The following XKR9 variants were observed in gnomAD, a reference collection of about 807,000 sequenced individuals.
The protein encoded by XKR9 is XK related 9.
XKR9 carries 32 observed loss-of-function variants against 32.0 expected under a neutral mutation model. The observed-to-expected ratio is 1.00, with a 90% CI of 0.76 to 1.34. The LOEUF is 1.34. Among genes scored for constraint, XKR9 ranks in the 40% most tolerant of loss-of-function variants. The pLI is 0.00. For missense variants in XKR9, 546 were observed against 429.7 expected, an observed-to-expected ratio of 1.27 and a Z score of -2.39; for synonymous variants, 168 against 143.4, an observed-to-expected ratio of 1.17 and a Z score of -1.22.
chr8:71,056,190 C>T, the XKR9 span, among the ~76,000 whole-genome samples: 4 of 151,396 alleles, frequency 2.6e-5, no homozygotes, highest in African/African-American at 9.7e-5. Context: ...TTTCTAAACT[C>T]TTTCACCACA....
At chr8:70,700,676 T>C (rs1805491076) in intron 3 of XKR9, among the ~76,000 whole-genome samples, 1 of 152,194 alleles carries the variant, frequency 6.6e-6, no homozygotes, top group African/African-American at 2.4e-5. Context: ...TTCTGAGATC[T>C]CCAGCTGCGT....
chr8:71,022,954 A>G, the XKR9 span, among the ~76,000 whole-genome samples: 3 of 151,430 alleles, frequency 2.0e-5, no homozygotes, highest in Non-Finnish European at 2.9e-5. Context: ...TTTTTTTTTA[A>G]TGATATCTAT....
chr8:70,833,900 T>C, the XKR9 span, among the ~76,000 whole-genome samples: 2 of 152,194 alleles, frequency 1.3e-5, no homozygotes, highest in Admixed American at 1.3e-4. Context: ...TTGAACACTT[T>C]CCTTTATTGT....
the XKR9 span, among the ~76,000 whole-genome samples, chr8:70,852,662 T>A: frequency 3.9e-5 from 6 of 152,162 alleles, no homozygotes; most frequent in Non-Finnish European, 7.3e-5. Flanking sequence ...TGGAATACTA[T>A]GCAGCCATAA....
intron 2 of XKR9, among the ~76,000 whole-genome samples, chr8:70,772,241 C>T (rs942855676): frequency 2.0e-5 from 3 of 152,164 alleles, no homozygotes; most frequent in Non-Finnish European, 4.4e-5. Context: ...AACTGGAATG[C>T]TGTAAATGTT....
the XKR9 span, among the ~76,000 whole-genome samples, chr8:70,864,205 A>G: frequency 1.3e-5 from 2 of 152,194 alleles, no homozygotes; most frequent in African/African-American, 2.4e-5. Context: ...TAATTTTTAA[A>G]AAATGTAAAC....
intron 2 of XKR9, among the ~76,000 whole-genome samples, chr8:70,770,561 T>C (rs1807440177): frequency 6.6e-6 from 1 of 152,124 alleles, no homozygotes; most frequent in Non-Finnish European, 1.5e-5. Context: ...GGGACTTTTA[T>C]CTGTAAGCCC....
the XKR9 span, among the ~76,000 whole-genome samples, chr8:70,989,577 A>C: frequency 6.6e-6 from 1 of 152,342 alleles, no homozygotes; most frequent in Non-Finnish European, 1.5e-5. Context: ...CTCAGGTAGA[A>C]TAGTAGAACA....
chr8:70,861,215 A>G, the XKR9 span, among the ~76,000 whole-genome samples: 1 of 152,156 alleles, frequency 6.6e-6, no homozygotes, highest in Admixed American at 6.5e-5. Context: ...AAGAACATGG[A>G]ATCTGGAGGC....
chr8:70,825,885 T>A, the XKR9 span, among the ~76,000 whole-genome samples: 1 of 152,016 alleles, frequency 6.6e-6, no homozygotes, highest in African/African-American at 2.4e-5. Context: ...TGCCAAAAAA[T>A]GGAATTTTCT....
intron 1 of XKR9, among the ~76,000 whole-genome samples, chr8:70,669,773 C>T (rs948287825): frequency 1.3e-5 from 2 of 151,226 alleles, no homozygotes; most frequent in Admixed American, 6.6e-5. Context: ...TTCACGCCAT[C>T]CTCCTGCCTC....
In XKR9 at chr8:70,734,562, G is replaced by A. The variant is rs1806803900; in HGVS notation, c.*138G>A. 1 of 1,114,910 alleles carries A rather than the reference G, an allele frequency of 9.0e-7. No homozygotes were observed. The highest frequency in any genetic ancestry group is 3.0e-5 in the South Asian group (1 of 33,182). 69.1% of individuals were successfully genotyped at this position (1,114,910 alleles called of 1,614,324 possible). ...AGTTCAGTGAAATAGGAGATACATAGTAGTATTTTATTTTTAAAATTAATT... is the reference window on the plus strand; with the variant it reads ...AGTTCAGTGAAATAGGAGATACATAATAGTATTTTATTTTTAAAATTAATT... On this transcript the variant is annotated 3_prime_UTR_variant, in exon 5 of 5. Transcript: ENST00000408926.
the XKR9 span, among the ~76,000 whole-genome samples, chr8:70,962,562 C>A: frequency 6.6e-6 from 1 of 152,166 alleles, no homozygotes; most frequent in Non-Finnish European, 1.5e-5. Flanking sequence ...ATGGGTGTAG[C>A]ATTCCACGGT....
chr8:70,949,839 G>C, the XKR9 span, among the ~76,000 whole-genome samples: 1 of 152,132 alleles, frequency 6.6e-6, no homozygotes, highest in African/African-American at 2.4e-5. Flanking sequence ...TGTGTGCTTA[G>C]TATGTGCCAG....
intron 4 of XKR9, among the ~76,000 whole-genome samples, chr8:70,725,031 C>T (rs1206181628): frequency 1.3e-5 from 2 of 152,148 alleles, no homozygotes; most frequent in African/African-American, 2.4e-5. Flanking sequence ...GAAGCAAACA[C>T]ATCCTTCTTT....
intron 2 of XKR9, among the ~76,000 whole-genome samples, chr8:70,756,085 A>G (rs1416313075): frequency 6.6e-6 from 1 of 152,086 alleles, no homozygotes; most frequent in African/African-American, 2.4e-5. Context: ...TCCTTTGCCT[A>G]TGGCTATCCA....
chr8:70,780,356 T>A (rs1427037090), intron 2 of XKR9, among the ~76,000 whole-genome samples: 2 of 152,142 alleles, frequency 1.3e-5, no homozygotes, highest in African/African-American at 4.8e-5. Context: ...TTTTCTAATA[T>A]AACCATTTAA....
At chr8:70,820,081 C>G in the XKR9 span, among the ~76,000 whole-genome samples, 1 of 152,152 alleles carries the variant, frequency 6.6e-6, no homozygotes, top group Admixed American at 6.5e-5. Context: ...GCAGGAAGGT[C>G]ATTCTCTGAC....
At chr8:70,916,418 G>A in the XKR9 span, among the ~76,000 whole-genome samples, 2 of 152,308 alleles carry the variant, frequency 1.3e-5, no homozygotes, top group East Asian at 3.9e-4. Context: ...AAGTGGTTAT[G>A]TGTATATGGA....
Sources: allele counts gnomAD v4.1 joint callset (sites outside exome capture counted in the v4.1 genomes callset), GRCh38; gene constraint gnomAD v4.1.1; transcripts MANE v1.5; gene names NCBI Gene and HGNC (gene_info 2026-07-23, HGNC 2026-07-21).